CEP170: variants seen among roughly 807,000 people sequenced by gnomAD.
CEP170 encodes centrosomal protein of 170 kDa.
CEP170 carries 21 observed loss-of-function variants against 151.9 expected under a neutral mutation model. The observed-to-expected ratio is 0.14, with a 90% CI of 0.10 to 0.20. CEP170 has a LOEUF of 0.20. Ranked by LOEUF, CEP170 falls within the 10% of genes least tolerant of loss-of-function variation. The pLI is 1.00. For synonymous variants in CEP170, 356 were observed against 648.8 expected (o/e 0.55, Z 6.86); for missense variants, 964 against 1,892.9 (o/e 0.51, Z 9.11).
intron 11 of CEP170, among the ~76,000 whole-genome samples, chr1:243,171,062 C>G (rs1398343578): frequency 1.3e-5 from 2 of 152,160 alleles, no homozygotes; most frequent in African/African-American, 4.8e-5. Flanking sequence ...ACAAAGGAAC[C>G]TACCAGGGCT....
chr1:243,190,947 T>C (rs898588466), intron 8 of CEP170, 71 bp downstream of exon 8: 23 of 1,422,960 alleles, frequency 1.6e-5, no homozygotes, highest in Non-Finnish European at 1.9e-5. Context: ...TATCTACTAG[T>C]AGTCTAGTAA....
intron 3 of CEP170, 116 bp from the exon 4 acceptor site, chr1:243,212,080 C>T (rs989370895): frequency 6.2e-6 from 7 of 1,137,454 alleles, no homozygotes; most frequent in Non-Finnish European, 8.2e-6. Flanking sequence ...GTGGCTAATA[C>T]AGCCTGAGTA....
At chr1:243,210,554 C>T (rs2061709401) in intron 4 of CEP170, among the ~76,000 whole-genome samples, 1 of 142,232 alleles carries the variant, frequency 7.0e-6, no homozygotes, top group Non-Finnish European at 1.5e-5. Flanking sequence ...AAGTATGCTA[C>T]AAAACTTTAA....
intron 3 of CEP170, among the ~76,000 whole-genome samples, chr1:243,217,181 C>T (rs2062373369): frequency 6.6e-6 from 1 of 152,146 alleles, no homozygotes; most frequent in East Asian, 1.9e-4. Context: ...GGTACCACTG[C>T]CGTGTATGTG....
chr1:243,241,496 C>G (rs1288460997), intron 1 of CEP170, among the ~76,000 whole-genome samples: 3 of 151,876 alleles, frequency 2.0e-5, no homozygotes, highest in Admixed American at 6.6e-5. Context: ...TTAACTATAT[C>G]AAGAAAATGT....
rs1241889272 is a variant in CEP170 at position 243,126,511 on chromosome 1, T to A, written c.4693A>T (p.Ser1565Cys). ...GGGTTGAATCTATTGAAATGTATAC[T>A]GAAATCAGCCTCAGATTCAGCATTC... ...FENAESEADF[S>C]IHFNRFNPDG... The change falls in exon 20 of 20, where the codon AGT (serine) becomes TGT (cysteine). Residue 1565 changes from serine to cysteine, a missense_variant. Transcript: ENST00000366542. 3 of 1,607,784 alleles carry A rather than the reference T, an allele frequency of 1.9e-6. No individual in the cohort carries two copies. In the African/African-American group the frequency reaches 4.0e-5, roughly 21 times the overall value.
intron 13 of CEP170, among the ~76,000 whole-genome samples, chr1:243,159,809 G>GT (rs1379710408): frequency 1.4e-5 from 2 of 146,260 alleles, no homozygotes; most frequent in Non-Finnish European, 3.0e-5. Context: ...GTGTTTTTGA[G>GT]ATGGAGTCTC....
chr1:243,208,111 CTT>C (rs900891715), intron 4 of CEP170, among the ~76,000 whole-genome samples: 1 of 152,028 alleles, frequency 6.6e-6, no homozygotes, highest in Admixed American at 6.6e-5. Context: ...ATCCTTGACT[CTT>C]TCTCTTACTC....
At chr1:243,232,588 G>C (rs2063856461) in intron 1 of CEP170, among the ~76,000 whole-genome samples, 1 of 152,140 alleles carries the variant, frequency 6.6e-6, no homozygotes, top group Admixed American at 6.5e-5. Context: ...CTCTTTGAAG[G>C]CAGCAAAACT....
Position 243,156,376 on chromosome 1 carries a change from A to G in CEP170, c.3756T>C (p.Pro1252=). The change falls in exon 14 of 20, where the codon CCT becomes CCC. Residue 1252 remains proline (P), a synonymous_variant. Transcript: ENST00000366542. The part of the protein sequence containing the change: ...EDEFGSNRNS[P]KHTRLRTSPA... ...GAGAAGTACGTAGACGGGTATGTTT[A>G]GGGGAATTACGGTTTGATCCAAATT... 1 of 1,566,758 alleles carries G rather than the reference A, an allele frequency of 6.4e-7. No individual in the cohort carries two copies. The highest frequency in any genetic ancestry group is 8.7e-7 in the Non-Finnish European group (1 of 1,155,200).
chr1:243,231,986 A>T (rs370569344), intron 1 of CEP170, among the ~76,000 whole-genome samples: 16 of 151,776 alleles, frequency 1.1e-4, no homozygotes, highest in African/African-American at 3.4e-4. Flanking sequence ...TTTTGAGACA[A>T]GGTCTGGCTC....
chr1:243,149,133 A>G (rs973626554), intron 14 of CEP170, among the ~76,000 whole-genome samples: 9 of 150,042 alleles, frequency 6.0e-5, no homozygotes, highest in Non-Finnish European at 1.3e-4. Flanking sequence ...GTTTATCGCT[A>G]CAGATAAGTT....
Position 243,246,075 on chromosome 1 carries a change from G to T in CEP170, c.-42+8965C>A, listed in dbSNP as rs186917933. On this transcript the variant is annotated intron_variant, in intron 1 of 19. Transcript: ENST00000366542. ...AATAAACTGATATAAACTGGAGGGG[G>T]TAATTTTATTAAAAAGTTAGAAAAG... is the stretch of plus-strand genomic sequence containing the variant. 2.4e-3 allele frequency among the ~76,000 whole-genome samples: 359 copies of T among 152,224 alleles called. 1 individual carries two copies. In the Middle Eastern group the frequency reaches 0.027, roughly 12 times the overall value.
At chr1:243,218,073 G>A (rs1224937464) in intron 3 of CEP170, among the ~76,000 whole-genome samples, 1 of 152,158 alleles carries the variant, frequency 6.6e-6, no homozygotes, top group African/African-American at 2.4e-5. Context: ...AAATCATATA[G>A]CCAGCATACA....
chr1:243,242,124 T>C (rs2064906319), intron 1 of CEP170, among the ~76,000 whole-genome samples: 1 of 152,164 alleles, frequency 6.6e-6, no homozygotes, highest in Non-Finnish European at 1.5e-5. Context: ...GAACTATTCC[T>C]ACCCTCATCT....
chr1:243,223,273 T>G (rs1419482422), intron 2 of CEP170, among the ~76,000 whole-genome samples: 1 of 152,112 alleles, frequency 6.6e-6, no homozygotes, highest in African/African-American at 2.4e-5. Context: ...AGAAATCCTT[T>G]GGACAATGGA....
At chr1:243,159,188 G>A (rs1009888870) in intron 13 of CEP170, among the ~76,000 whole-genome samples, 2 of 152,292 alleles carry the variant, frequency 1.3e-5, no homozygotes, top group East Asian at 3.9e-4. Context: ...TCAGCATACA[G>A]CAGAGAAATA....
chr1:243,169,854 C>G (rs2058707095), intron 11 of CEP170, 100 bp from the exon 12 acceptor site: 1 of 1,441,296 alleles, frequency 6.9e-7, no homozygotes, highest in Non-Finnish European at 9.3e-7. Flanking sequence ...CCATACAAAC[C>G]CATAATTAAA....
At position 243,189,913 on chromosome 1, in the gene CEP170, G is replaced by C. The variant is rs151092958; in HGVS notation, c.1108+1105C>G. Among the ~76,000 whole-genome samples the C allele has an allele frequency of 3.6e-3, 550 of 152,272 alleles. 1 individual carries two copies. Among genetic ancestry groups the C allele is most frequent in the African/African-American group, 0.013 (522 of 41,560 alleles). ...TCAAAAATACATATGCCAGGTAACT[G>C]CTGATAACTATAATTAAATATTGTG... On this transcript the variant is annotated intron_variant, in intron 8 of 19. Coordinates refer to ENST00000366542, the MANE Select transcript of CEP170 (RefSeq NM_014812.3).
Sources: allele counts gnomAD v4.1 joint callset (sites outside exome capture counted in the v4.1 genomes callset), GRCh38; gene constraint gnomAD v4.1.1; transcripts MANE v1.5; gene names NCBI Gene and HGNC (gene_info 2026-07-23, HGNC 2026-07-21).